FBXO32: variants seen among roughly 807,000 people sequenced by gnomAD.
FBXO32 encodes F-box protein 32, also known as F-box only protein 32.
A neutral mutation model predicts 48.3 loss-of-function variants in FBXO32; 15 were observed. The ratio of observed to expected loss-of-function variants is 0.31; its 90% CI spans 0.21 to 0.48. FBXO32 has a LOEUF of 0.48. Ranked by LOEUF, FBXO32 falls within the 20% of genes least tolerant of loss-of-function variation. The pLI, the probability that FBXO32 is intolerant of heterozygous loss-of-function variation, is 0.99. For synonymous variants in FBXO32, 154 were observed against 165.9 expected, an observed-to-expected ratio of 0.93 and a Z score of 0.55; for missense variants, 309 against 432.7, an observed-to-expected ratio of 0.71 and a Z score of 2.54.
Position 123,540,634 on chromosome 8 carries a change from G to C in FBXO32, c.116+265C>G, listed in dbSNP as rs549534271. 6.6e-4 allele frequency among the ~76,000 whole-genome samples: 101 copies of C among 152,364 alleles called. No homozygotes were observed. Among genetic ancestry groups the C allele is most frequent in the African/African-American group, 2.3e-3 (95 of 41,594 alleles). On this transcript the variant is annotated intron_variant, in intron 1 of 8. Coordinates refer to ENST00000517956, the MANE Select transcript of FBXO32 (RefSeq NM_058229.4). This position sits in a 1 kb window ranked among gnomAD's most constrained non-coding sequence, Gnocchi z 6.4. ...GGGACACGATCCGCGAATGTCATCA[G>C]ACTCTCAGAGGGACCAGGTGTTCTG...
At chr8:123,503,948 A>G (rs896236629) in intron 8 of FBXO32, among the ~76,000 whole-genome samples, 2 of 152,090 alleles carry the variant, frequency 1.3e-5, no homozygotes, top group Non-Finnish European at 2.9e-5. Flanking sequence ...GTGTGGTGGC[A>G]TGTGCCTGTA....
At chr8:123,530,226 C>T (rs887115555) in intron 4 of FBXO32, among the ~76,000 whole-genome samples, 2 of 152,172 alleles carry the variant, frequency 1.3e-5, no homozygotes, top group African/African-American at 2.4e-5. Context: ...TGCAGGCCTG[C>T]GTTTTTATCA....
rs1184443677 is a variant in FBXO32 at position 123,525,607 on chromosome 8, C to CG, written c.372+6290dup. On this transcript the variant is annotated intron_variant, in intron 4 of 8. Coordinates refer to ENST00000517956, the MANE Select transcript of FBXO32 (RefSeq NM_058229.4). This position sits in a 1 kb window ranked among gnomAD's most constrained non-coding sequence, Gnocchi z 4.3. ...CATTTTGCCCTCTAAGCAATGCAGT[C>CG]GAAAGGAGAGAACACTGGAGCAGGA... 6.6e-6 allele frequency among the ~76,000 whole-genome samples: 1 copy of CG among 152,174 alleles called. No homozygotes were observed. The highest frequency in any genetic ancestry group is 1.5e-5 in the Non-Finnish European group (1 of 68,040).
At chr8:123,531,566 C>T (rs1487280413) in intron 4 of FBXO32, among the ~76,000 whole-genome samples, 1 of 152,222 alleles carries the variant, frequency 6.6e-6, no homozygotes, top group Non-Finnish European at 1.5e-5. Flanking sequence ...GCCAGCGTTG[C>T]CTGTGACATG....
chr8:123,528,830 GTTTT>G (rs948362255), intron 4 of FBXO32, among the ~76,000 whole-genome samples: 1 of 151,888 alleles, frequency 6.6e-6, no homozygotes. Context: ...GGCTTTGAAT[GTTTT>G]TTTTGTTTTT....
In FBXO32 at chr8:123,540,609, G is replaced by A. The variant is rs116299267; in HGVS notation, c.116+290C>T. Among the ~76,000 whole-genome samples, 819 of 152,346 alleles carry A rather than the reference G, an allele frequency of 5.4e-3. 3 individuals carry two copies. Among genetic ancestry groups the A allele is most frequent in the African/African-American group, 0.018 (752 of 41,588 alleles). ...GTGATTAAGTTTGAGCGAACGTTTG[G>A]GGACACGATCCGCGAATGTCATCAG... On this transcript the variant is annotated intron_variant, in intron 1 of 8. Transcript: ENST00000517956. The surrounding 1 kb of genome is among the most constrained non-coding windows in gnomAD (Gnocchi z 6.4).
chr8:123,531,276 C>G (rs1817203163), intron 4 of FBXO32, among the ~76,000 whole-genome samples: 1 of 152,178 alleles, frequency 6.6e-6, no homozygotes, highest in Non-Finnish European at 1.5e-5. Context: ...GCCACCGCAC[C>G]CGGCCAAAAC....
chr8:123,506,606 G>T lies in FBXO32; in HGVS notation c.652-32C>A. 1 of 1,548,136 alleles carries T rather than the reference G, an allele frequency of 6.5e-7. No individual in the cohort carries two copies. The highest frequency in any genetic ancestry group is 8.8e-7 in the Non-Finnish European group (1 of 1,140,546). ...AGAGAAGGGTGACAATAGGTGGGGG[G>T]GCCAGAGAGCAGCGATTCACCAGGC... On this transcript the variant is annotated intron_variant, in intron 6 of 8. Coordinates refer to ENST00000517956, the MANE Select transcript of FBXO32 (RefSeq NM_058229.4). The surrounding 1 kb of genome is among the most constrained non-coding windows in gnomAD (Gnocchi z 4.0).
At chr8:123,524,025 T>G (rs1817019130) in intron 4 of FBXO32, among the ~76,000 whole-genome samples, 2 of 152,202 alleles carry the variant, frequency 1.3e-5, no homozygotes, top group Admixed American at 1.3e-4. Context: ...GTATATGAGT[T>G]ATAAGTGAAT....
intron 6 of FBXO32, among the ~76,000 whole-genome samples, chr8:123,509,557 G>C (rs1414368575): frequency 6.6e-6 from 1 of 152,010 alleles, no homozygotes; most frequent in African/African-American, 2.4e-5. Flanking sequence ...AAAATTAGCT[G>C]GGTGTGGTGG....
In FBXO32 at chr8:123,498,852, T is replaced by A. The variant is rs1816418105; in HGVS notation, c.*4521A>T. 1 of 152,234 alleles carries A rather than the reference T, an allele frequency of 6.6e-6. No homozygotes were observed. The highest frequency in any genetic ancestry group is 2.1e-4 in the South Asian group (1 of 4,832). The allele number at this position is 152,234 out of a possible 1,614,324, so 9.4% of individuals were successfully genotyped here. A position where few individuals can be genotyped will look rare whatever the true frequency, so the allele number is the denominator to read the frequency against. On this transcript the variant is annotated 3_prime_UTR_variant, in exon 9 of 9. Coordinates refer to ENST00000517956, the MANE Select transcript of FBXO32 (RefSeq NM_058229.4). ...AGGTTGTACTCACTGGAATGCCACA[T>A]TCACAACAGAATCAGAGGTCTGTGA...
At position 123,503,439 on chromosome 8, in the gene FBXO32, G is replaced by A; in HGVS notation, c.1002C>T (p.Ala334=). Residue 334 remains alanine, a synonymous_variant, in exon 9 of 9, where the codon GCC becomes GCT. Transcript: ENST00000517956. ...SWKGTDHPCT[A]NNPESCSVSL... Reference sequence around the variant, plus strand: ...AAACGGAGCAGCTCTCTGGGTTATTGGCAGTGCACGGATGGTCAGTGCCCT... The same window carrying A: ...AAACGGAGCAGCTCTCTGGGTTATTAGCAGTGCACGGATGGTCAGTGCCCT... 6.2e-7 allele frequency: 1 copy of A among 1,614,120 alleles called. No individual in the cohort carries two copies. The highest frequency in any genetic ancestry group is 8.5e-7 in the Non-Finnish European group (1 of 1,179,976).
chr8:123,533,192 T>A lies in FBXO32; in HGVS notation c.278A>T (p.Glu93Val), dbSNP rs758687829. Residue 93 changes from glutamate to valine, a missense_variant and splice_region_variant, in exon 3 of 9, where the codon GAG becomes GTG. Physicochemically the swap from Glu to Val is moderately radical, Grantham distance 121 (BLOSUM62 -2). Transcript: ENST00000517956. The part of the protein sequence containing the change: ...WIYVHKGSTK[E>V]RHGYCTLGEA... ...TTAGTAAATGAATGGGATGCTCACC[T>A]CTTTAGTACTTCCTTTGTGAACATA... 1 of 1,611,688 alleles carries A rather than the reference T, an allele frequency of 6.2e-7. No individual in the cohort carries two copies. The highest frequency in any genetic ancestry group is 8.5e-7 in the Non-Finnish European group (1 of 1,177,812).
chr8:123,529,451 C>T (rs541643832), intron 4 of FBXO32, among the ~76,000 whole-genome samples: 74 of 152,328 alleles, frequency 4.9e-4, no homozygotes, highest in African/African-American at 1.8e-3. Context: ...CAAAGTACTT[C>T]TGTTTATATC....
At position 123,504,793 on chromosome 8, in the gene FBXO32, GA is replaced by G. The variant is rs771221942; in HGVS notation, c.835-47del. On this transcript the variant is annotated intron_variant, in intron 7 of 8. Transcript: ENST00000517956. ...AGGAAATGACAGGAGAGTTTGTCAA[GA>G]AGATGGCTTGTGGTTTTCCGGTTCT... The G allele has an allele frequency of 1.9e-6, 3 of 1,588,698 alleles. No homozygotes were observed. In the East Asian group the frequency reaches 6.8e-5, roughly 36 times the overall value.
At chr8:123,514,067 T>C in intron 5 of FBXO32, 173 bp downstream of exon 5, 1 of 539,386 alleles carries the variant, frequency 1.9e-6, no homozygotes, top group South Asian at 2.7e-5. Flanking sequence ...GCCATGAGGA[T>C]GAGTTGTACC....
rs1816455936 is a variant in FBXO32, at chr8:123,500,346, A to G, written c.*3027T>C. On this transcript the variant is annotated 3_prime_UTR_variant, in exon 9 of 9. Transcript: ENST00000517956. ...CTTCTTTGGAAGTCTGAATTACTTCATATTTGACATCTATTTTGAAATTCT... is the reference window on the plus strand; with the variant it reads ...CTTCTTTGGAAGTCTGAATTACTTCGTATTTGACATCTATTTTGAAATTCT... 6.6e-6 allele frequency: 1 copy of G among 152,206 alleles called. No individual in the cohort carries two copies. Among genetic ancestry groups the G allele is most frequent in the Non-Finnish European group, 1.5e-5 (1 of 68,034 alleles). The allele number at this position is 152,206 out of a possible 1,614,324, so 9.4% of individuals were successfully genotyped here. A position where few individuals can be genotyped will look rare whatever the true frequency, so the allele number is the denominator to read the frequency against.
intron 4 of FBXO32, among the ~76,000 whole-genome samples, chr8:123,518,964 G>A (rs2385276): frequency 0.068 from 10,409 of 152,100 alleles, 401 homozygotes; most frequent in African/African-American, 0.09. Context: ...TGGGACCACA[G>A]GGGCACAGCA....
At position 123,506,185 on chromosome 8, in the gene FBXO32, C is replaced by T. The variant is rs1290763679; in HGVS notation, c.834+207G>A. Among the ~76,000 whole-genome samples the T allele has an allele frequency of 1.3e-5, 2 of 152,166 alleles. No homozygotes were observed. The highest frequency in any genetic ancestry group is 6.5e-5 in the Admixed American group (1 of 15,274). On this transcript the variant is annotated intron_variant, in intron 7 of 8. Transcript: ENST00000517956. The surrounding 1 kb of genome is among the most constrained non-coding windows in gnomAD (Gnocchi z 4.0). ...CTGAGGTTACAGTGAGCTATGATTG[C>T]ATCACTGCACTCCAGCCTGGGCCAC...
Sources: allele counts gnomAD v4.1 joint callset (sites outside exome capture counted in the v4.1 genomes callset), GRCh38; gene constraint gnomAD v4.1.1; non-coding constraint Gnocchi (gnomAD v3.1); transcripts MANE v1.5; gene names NCBI Gene and HGNC (gene_info 2026-07-23, HGNC 2026-07-21).